RBFOX1: variants seen among roughly 807,000 people sequenced by gnomAD.
The protein encoded by RBFOX1 is RNA binding fox-1 homolog 1, also known as RNA binding protein fox-1 homolog 1.
RBFOX1 carries 8 observed loss-of-function variants against 57.7 expected under a neutral mutation model. The observed-to-expected ratio is 0.14, with a 90% CI of 0.08 to 0.25. The LOEUF (loss-of-function observed/expected upper bound fraction) is 0.25, where lower values mean the gene tolerates loss of function less well. RBFOX1 is among the 10% of genes least tolerant of loss of function. The probability of loss-of-function intolerance (pLI) is 1.00; values close to 1 mark genes in which losing one functional copy is unlikely to be tolerated. For synonymous variants in RBFOX1, 326 were observed against 222.4 expected, an observed-to-expected ratio of 1.47 and a Z score of -4.15; for missense variants, 611 against 548.5, an observed-to-expected ratio of 1.11 and a Z score of -1.14.
At chr16:6,865,674 A>G (rs371883013) in intron 3 of RBFOX1, among the ~76,000 whole-genome samples, 3 of 152,274 alleles carry the variant, frequency 2.0e-5, no homozygotes, top group Non-Finnish European at 4.4e-5. Flanking sequence ...GTAATCCCTA[A>G]TTCCTTTAGT....
chr16:5,991,645 G>T lies in RBFOX1; in HGVS notation c.351+124310G>T, dbSNP rs955789388. Among the ~76,000 whole-genome samples, 259 of 123,968 alleles carry T rather than the reference G, an allele frequency of 2.1e-3. 4 individuals are homozygous for T. Among genetic ancestry groups the T allele is most frequent in the Non-Finnish European group, 1.3e-3 (73 of 57,014 alleles). The allele number at this position is 123,968 out of a possible 152,430, so 81.3% of individuals were successfully genotyped here. ...ATTTGGTTTGGGAAATTATTAGATA[G>T]TTTTTTTTTTTTTTTTTTTTTCTTT... On this transcript the variant is annotated intron_variant, in intron 4 of 19. Coordinates refer to the RBFOX1 transcript ENST00000641259.
intron 1 of RBFOX1, among the ~76,000 whole-genome samples, chr16:6,284,767 A>G (rs963018420): frequency 3.9e-5 from 6 of 152,148 alleles, no homozygotes; most frequent in African/African-American, 1.4e-4. Flanking sequence ...CTTCTCAGTC[A>G]TTGGTATTCA....
chr16:7,226,311 C>G (rs1225050380), intron 4 of RBFOX1, among the ~76,000 whole-genome samples: 1 of 152,178 alleles, frequency 6.6e-6, no homozygotes, highest in African/African-American at 2.4e-5. Context: ...TTCTCTGAAA[C>G]TGGAGAAGAG....
chr16:5,853,661 A>T (rs1034808734), intron 3 of RBFOX1, among the ~76,000 whole-genome samples: 1 of 152,232 alleles, frequency 6.6e-6, no homozygotes, highest in Non-Finnish European at 1.5e-5. Flanking sequence ...GGTCTAGCTT[A>T]ACAGAGTTCA....
At chr16:5,882,099 A>T (rs561480011) in intron 4 of RBFOX1, among the ~76,000 whole-genome samples, 2 of 152,236 alleles carry the variant, frequency 1.3e-5, no homozygotes, top group Admixed American at 6.5e-5. Flanking sequence ...CAGAGAGATT[A>T]AGTAACAAAG....
chr16:5,687,516 T>C (rs984486766), intron 3 of RBFOX1, among the ~76,000 whole-genome samples: 1 of 152,216 alleles, frequency 6.6e-6, no homozygotes, highest in Admixed American at 6.5e-5. Context: ...TTCGAATGCT[T>C]TGATATCAAT....
At chr16:6,653,028 A>G (rs2098609516) in intron 2 of RBFOX1, among the ~76,000 whole-genome samples, 1 of 152,102 alleles carries the variant, frequency 6.6e-6, no homozygotes, top group Admixed American at 6.5e-5. Context: ...CCCTCTAACC[A>G]CAGTGGCCTC....
chr16:7,671,596 G>A (rs2071453451), intron 13 of RBFOX1: 2 of 1,611,562 alleles, frequency 1.2e-6, no homozygotes, highest in African/African-American at 1.3e-5. Context: ...ATAAATTGCT[G>A]CAGGTATGAA....
At chr16:5,985,962 C>G (rs2060277666) in intron 4 of RBFOX1, among the ~76,000 whole-genome samples, 1 of 152,164 alleles carries the variant, frequency 6.6e-6, no homozygotes, top group South Asian at 2.1e-4. Flanking sequence ...TAGTATCCAC[C>G]CGTATACCAT....
chr16:5,697,017 A>G (rs528495403), intron 3 of RBFOX1, among the ~76,000 whole-genome samples: 3 of 152,214 alleles, frequency 2.0e-5, no homozygotes, highest in African/African-American at 7.2e-5. Context: ...GATTGAAGCA[A>G]TTCTCATGCC....
At chr16:5,732,794 C>G (rs553058274) in intron 3 of RBFOX1, among the ~76,000 whole-genome samples, 6 of 152,216 alleles carry the variant, frequency 3.9e-5, no homozygotes, top group Admixed American at 1.3e-4. Flanking sequence ...CAAAGCCGGG[C>G]TTGTTCTCTG....
intron 1 of RBFOX1, among the ~76,000 whole-genome samples, chr16:5,415,362 G>A (rs1361535640): frequency 6.6e-6 from 1 of 152,100 alleles, no homozygotes; most frequent in Non-Finnish European, 1.5e-5. Context: ...ACAGCATAGG[G>A]AAAACCACCC....
intron 2 of RBFOX1, among the ~76,000 whole-genome samples, chr16:6,616,149 G>A (rs1406058860): frequency 1.3e-5 from 2 of 152,114 alleles, no homozygotes; most frequent in South Asian, 2.1e-4. Context: ...TTTTGCAGGA[G>A]CAAATTTTTC....
At chr16:5,797,377 A>T (rs1320931635) in intron 3 of RBFOX1, among the ~76,000 whole-genome samples, 1 of 152,184 alleles carries the variant, frequency 6.6e-6, no homozygotes, top group Non-Finnish European at 1.5e-5. Flanking sequence ...GTCTTGGAAC[A>T]TCTCCATTGG....
At chr16:6,255,088 T>G (rs894999788) in intron 1 of RBFOX1, among the ~76,000 whole-genome samples, 4 of 152,124 alleles carry the variant, frequency 2.6e-5, no homozygotes, top group Non-Finnish European at 5.9e-5. Flanking sequence ...CGCGGACCTG[T>G]TTTTCAGCTC....
intron 3 of RBFOX1, among the ~76,000 whole-genome samples, chr16:5,608,736 C>G (rs1375637249): frequency 6.6e-6 from 1 of 152,196 alleles, no homozygotes; most frequent in Non-Finnish European, 1.5e-5. Context: ...AGATACACTG[C>G]TTAACTCTCC....
intron 2 of RBFOX1, among the ~76,000 whole-genome samples, chr16:6,462,220 C>T (rs892484809): frequency 7.2e-5 from 11 of 152,274 alleles, no homozygotes; most frequent in Admixed American, 3.9e-4. Context: ...CATCTACCTT[C>T]GCAGTCCTCC....
At chr16:6,516,603 T>C (rs548468930) in intron 2 of RBFOX1, among the ~76,000 whole-genome samples, 1 of 152,196 alleles carries the variant, frequency 6.6e-6, no homozygotes, top group Non-Finnish European at 1.5e-5. Flanking sequence ...CCCAACACTT[T>C]CATGGAATTG....
At chr16:7,263,096 T>A (rs1438923521) in intron 4 of RBFOX1, among the ~76,000 whole-genome samples, 1 of 152,242 alleles carries the variant, frequency 6.6e-6, no homozygotes, top group Admixed American at 6.5e-5. Context: ...ATAGCCCTTA[T>A]TCCTTGGTGA....
Sources: gnomAD v4.1 joint callset for allele counts (sites outside exome capture counted in the v4.1 genomes callset) on GRCh38, gnomAD v4.1.1 for gene constraint, MANE v1.5 for transcripts, NCBI Gene and HGNC (gene_info 2026-07-23, HGNC 2026-07-21) for gene names.